The following DGUOK variants were observed in gnomAD, a reference collection of about 807,000 sequenced individuals.
DGUOK encodes deoxyguanosine kinase, mitochondrial.
In DGUOK, 30 loss-of-function variants were observed where a neutral mutation model predicts 36.6. That is an observed-to-expected ratio of 0.82 (90% confidence interval 0.61 to 1.11). DGUOK has a LOEUF of 1.11. DGUOK is among the 50% of genes most tolerant of loss of function. The probability of loss-of-function intolerance (pLI) is 0.00; values close to 1 mark genes in which losing one functional copy is unlikely to be tolerated. For missense variants in DGUOK, 361 were observed against 336.4 expected (o/e 1.07, Z -0.57); for synonymous variants, 145 against 126.3 (o/e 1.15, Z -0.99).
At chr2:73,942,552 T>C (rs1449650158) in intron 2 of DGUOK, among the ~76,000 whole-genome samples, 1 of 152,130 alleles carries the variant, frequency 6.6e-6, no homozygotes. Context: ...GCTGTTTTAA[T>C]GGAAAACAGT....
At chr2:73,931,508 T>A in intron 1 of DGUOK, among the ~76,000 whole-genome samples, 1 of 152,150 alleles carries the variant, frequency 6.6e-6, no homozygotes, top group East Asian at 1.9e-4. Context: ...TGTGAAAGGG[T>A]GGCAGAACAA....
chr2:73,934,902 G>C (rs184672918), intron 1 of DGUOK, among the ~76,000 whole-genome samples: 2 of 152,156 alleles, frequency 1.3e-5, no homozygotes, highest in Admixed American at 1.3e-4. Context: ...GTGAAACCCT[G>C]TATCTGCCAA....
chr2:73,946,781 G>T lies in DGUOK; in HGVS notation c.318G>T (p.Trp106Cys), dbSNP rs759093548. Reference sequence around the variant, plus strand: ...TGATGTACCGGGAGCCAGCACGATGGTCCTACACATTCCAGACATTTTCCT... The same window carrying T: ...TGATGTACCGGGAGCCAGCACGATGTTCCTACACATTCCAGACATTTTCCT... Reference protein sequence around the residue: ...LDMMYREPARWSYTFQTFSFL... With the variant: ...LDMMYREPARCSYTFQTFSFL... The change falls in exon 3 of 7, where the codon TGG (tryptophan) becomes TGT (cysteine). Residue 106 changes from tryptophan (W) to cysteine (C), a missense_variant. Transcript: ENST00000264093. 7 of 1,614,116 alleles carry T rather than the reference G, an allele frequency of 4.3e-6. No individual in the cohort carries two copies. The South Asian group carries it at 7.7e-5, about 18-fold the overall frequency.
rs183369428 is a variant in DGUOK, at chr2:73,937,834, A to G, written c.143-1076A>G. On this transcript the variant is annotated intron_variant, in intron 1 of 6. Transcript: ENST00000264093. ...TTTCATCTCCAAAATATTTCTCGAA[A>G]CAACCACTACTTTTCACTCCTCTGC... is the stretch of plus-strand genomic sequence containing the variant. 1.2e-4 allele frequency among the ~76,000 whole-genome samples: 18 copies of G among 152,270 alleles called. No homozygotes were observed. In the East Asian group the frequency reaches 3.5e-3, roughly 29 times the overall value.
intron 3 of DGUOK, 70 bp from the exon 4 acceptor site, chr2:73,950,515 C>G: frequency 6.5e-7 from 1 of 1,542,084 alleles, no homozygotes; most frequent in Admixed American, 1.7e-5. Flanking sequence ...CTGCTTCTCT[C>G]TCTCTCTCGT....
Position 73,927,024 on chromosome 2 carries a change from C to G in DGUOK, c.114C>G (p.Pro38=). 1.2e-6 allele frequency: 2 copies of G among 1,610,600 alleles called. No individual in the cohort carries two copies. The highest frequency in any genetic ancestry group is 1.7e-6 in the Non-Finnish European group (2 of 1,180,016). Residue 38 remains proline (P), a synonymous_variant, in exon 1 of 7, where the codon CCC becomes CCG. Coordinates refer to ENST00000264093, the MANE Select transcript of DGUOK (RefSeq NM_080916.3). ...GAGGCCTGCACGCGGGGCGCGGGCCCCGAAGGCTCTCCATCGAAGGCAACA... is the reference window on the plus strand; with the variant it reads ...GAGGCCTGCACGCGGGGCGCGGGCCGCGAAGGCTCTCCATCGAAGGCAACA... The part of the protein sequence containing the change: ...SSRGLHAGRG[P]RRLSIEGNIA...
At chr2:73,927,095 G>T (rs934971427) in intron 1 of DGUOK, 43 bp downstream of exon 1, 1 of 1,602,064 alleles carries the variant, frequency 6.2e-7, no homozygotes, top group Non-Finnish European at 8.5e-7. Context: ...CCTCCGCCAC[G>T]CAGGCGACAG....
At chr2:73,944,043 A>T (rs948887169) in intron 2 of DGUOK, among the ~76,000 whole-genome samples, 1 of 152,118 alleles carries the variant, frequency 6.6e-6, no homozygotes, top group Non-Finnish European at 1.5e-5. Context: ...ATTATAGCTC[A>T]CTGCAGCATT....
Position 73,956,287 on chromosome 2 carries a change from G to A in DGUOK, c.592-838G>A, listed in dbSNP as rs538351291. Among the ~76,000 whole-genome samples, 4 of 152,264 alleles carry A rather than the reference G, an allele frequency of 2.6e-5. No individual in the cohort carries two copies. In the South Asian group the frequency reaches 8.3e-4, roughly 32 times the overall value. On this transcript the variant is annotated intron_variant, in intron 4 of 6. Transcript: ENST00000264093. ...CACTTCTTTGTTTTATCTTTGACCT[G>A]TGCAAATTTTACATTCTATTCCTGA...
At chr2:73,932,253 AC>A (rs750010813) in intron 1 of DGUOK, among the ~76,000 whole-genome samples, 2 of 151,892 alleles carry the variant, frequency 1.3e-5, no homozygotes, top group Non-Finnish European at 2.9e-5. Flanking sequence ...ATCTCCCACT[AC>A]TCTTCATCAC....
At chr2:73,954,552 AAGAG>A (rs1345840578) in intron 4 of DGUOK, among the ~76,000 whole-genome samples, 7 of 151,996 alleles carry the variant, frequency 4.6e-5, no homozygotes, top group African/African-American at 1.7e-4. Context: ...TAAAACTCAA[AAGAG>A]AAATAGCTAG....
At chr2:73,932,467 T>C (rs1681122671) in intron 1 of DGUOK, 1 of 392,114 alleles carries the variant, frequency 2.6e-6, no homozygotes, top group South Asian at 2.2e-5. Context: ...CTTGACCCAG[T>C]GTACTCAGTA....
chr2:73,958,320 AGTTCAATATCAT>A (rs1459767177), intron 6 of DGUOK, 75 bp downstream of exon 6: 1 of 1,155,854 alleles, frequency 8.7e-7, no homozygotes, highest in African/African-American at 1.5e-5. Context: ...TTTGCTTCAA[AGTTCAATATCAT>A]GGGTCTTGTG....
At chr2:73,940,707 A>G (rs1013902122) in intron 2 of DGUOK, among the ~76,000 whole-genome samples, 4 of 152,104 alleles carry the variant, frequency 2.6e-5, no homozygotes, top group African/African-American at 9.7e-5. Context: ...TACCTTTTCT[A>G]TGTTTAGATA....
chr2:73,941,104 C>T (rs1303288188), intron 2 of DGUOK, among the ~76,000 whole-genome samples: 3 of 152,198 alleles, frequency 2.0e-5, no homozygotes, highest in Non-Finnish European at 4.4e-5. Flanking sequence ...TAGCTTCCAT[C>T]TTGTTCTGGG....
chr2:73,933,418 G>T (rs533298396), intron 1 of DGUOK, among the ~76,000 whole-genome samples: 1 of 152,306 alleles, frequency 6.6e-6, no homozygotes, highest in African/African-American at 2.4e-5. Context: ...ACCAGAGCAG[G>T]CAGTAATTAA....
intron 1 of DGUOK, among the ~76,000 whole-genome samples, chr2:73,928,572 A>AG (rs1195836455): frequency 3.9e-5 from 6 of 152,206 alleles, no homozygotes; most frequent in African/African-American, 1.4e-4. Context: ...AAAGGCCCTG[A>AG]GGTGGAAAGT....
intron 4 of DGUOK, among the ~76,000 whole-genome samples, chr2:73,951,950 C>T (rs1682735253): frequency 6.6e-6 from 1 of 152,184 alleles, no homozygotes; most frequent in Non-Finnish European, 1.5e-5. Flanking sequence ...GGGAGGATCA[C>T]TTGAGGCCAG....
chr2:73,946,750 T>C lies in DGUOK; in HGVS notation c.287T>C (p.Leu96Pro), dbSNP rs587780587. 6.2e-7 allele frequency: 1 copy of C among 1,614,208 alleles called. No homozygotes were observed. The highest frequency in any genetic ancestry group is 1.3e-5 in the African/African-American group (1 of 75,054). ...ACTGCCCAAAGTCTTGGAAACTTGC[T>C]GGATATGATGTACCGGGAGCCAGCA... ...ACTAQSLGNLLDMMYREPARW... is the reference protein window; with the variant it reads ...ACTAQSLGNLPDMMYREPARW... The change falls in exon 3 of 7, where the codon CTG becomes CCG. Residue 96 changes from leucine (L) to proline (P), a missense_variant. Coordinates refer to ENST00000264093, the MANE Select transcript of DGUOK (RefSeq NM_080916.3).
Sources: gnomAD v4.1 joint callset for allele counts (sites outside exome capture counted in the v4.1 genomes callset) on GRCh38, gnomAD v4.1.1 for gene constraint, MANE v1.5 for transcripts, NCBI Gene and HGNC (gene_info 2026-07-23, HGNC 2026-07-21) for gene names.